AIG1: variants seen among roughly 807,000 people sequenced by gnomAD.
The protein encoded by AIG1 is androgen induced 1, also known as androgen-induced gene 1 protein.
In AIG1, 23 loss-of-function variants were observed where a neutral mutation model predicts 31.4. That is an observed-to-expected ratio of 0.73 (90% CI 0.53 to 1.04). AIG1 has a LOEUF of 1.04. Ranked by LOEUF, AIG1 falls within the 50% of genes least tolerant of loss-of-function variation. The probability of loss-of-function intolerance (pLI) is 0.00; values close to 1 mark genes in which losing one functional copy is unlikely to be tolerated. For synonymous variants in AIG1, 100 were observed against 110.5 expected, an observed-to-expected ratio of 0.90 and a Z score of 0.60; for missense variants, 274 against 295.0, an observed-to-expected ratio of 0.93 and a Z score of 0.52.
intron 1 of AIG1, among the ~76,000 whole-genome samples, chr6:143,063,064 C>G (rs1562335119): frequency 6.6e-6 from 1 of 152,188 alleles, no homozygotes; most frequent in African/African-American, 2.4e-5. Context: ...CAAGAGATGC[C>G]TGCTTTTCAT....
rs561490731 is a variant in AIG1 at position 143,328,279 on chromosome 6, G to A, written c.516-5003G>A. On this transcript the variant is annotated intron_variant, in intron 4 of 5. Coordinates refer to ENST00000357847, the MANE Select transcript of AIG1 (RefSeq NM_016108.4). The surrounding 1 kb of genome is among the most constrained non-coding windows in gnomAD (Gnocchi z 4.0). The stretch of plus-strand genomic sequence containing the variant: ...GTCAGTGAATCTGGACCACTTATTG[G>A]AGAAGTTTGCTTTTGAAGAGGAGAG... 1.3e-5 allele frequency among the ~76,000 whole-genome samples: 2 copies of A among 152,270 alleles called. No individual in the cohort carries two copies. Among genetic ancestry groups the A allele is most frequent in the South Asian group, 4.1e-4 (2 of 4,820 alleles).
chr6:143,101,497 G>A (rs375719284), intron 1 of AIG1, among the ~76,000 whole-genome samples: 1 of 152,156 alleles, frequency 6.6e-6, no homozygotes, highest in African/African-American at 2.4e-5. Context: ...GTGAATGGTG[G>A]CTCTGAGCAG....
intron 3 of AIG1, among the ~76,000 whole-genome samples, chr6:143,180,366 C>T (rs1371135233): frequency 6.6e-6 from 1 of 152,164 alleles, no homozygotes; most frequent in East Asian, 1.9e-4. Context: ...GCTCCGCAAG[C>T]CAACAGCATA....
rs558579935 is a variant in AIG1 at position 143,127,185 on chromosome 6, TTTAA to T, written c.142-9644_142-9641del. Among the ~76,000 whole-genome samples, 223 of 152,286 alleles carry T rather than the reference TTTAA, an allele frequency of 1.5e-3. 1 individual carries two copies. The Middle Eastern group carries it at 0.024, about 16-fold the overall frequency. ...TTCATTTCTTCCTTATCATTTCCCC[TTTAA>T]TTAATGGTTTTATCCTCATATGGGG... On this transcript the variant is annotated intron_variant, in intron 1 of 5. Transcript: ENST00000357847.
chr6:143,107,755 A>G (rs1257484131), intron 1 of AIG1, among the ~76,000 whole-genome samples: 2 of 152,226 alleles, frequency 1.3e-5, no homozygotes, highest in African/African-American at 2.4e-5. Flanking sequence ...CCCTCGAGTT[A>G]TAAGTCATTT....
intron 3 of AIG1, among the ~76,000 whole-genome samples, chr6:143,176,535 G>T (rs1788177825): frequency 6.6e-6 from 1 of 151,740 alleles, no homozygotes; most frequent in Admixed American, 6.6e-5. Context: ...TGCTGTGGGA[G>T]ATTGGGGGTG....
At chr6:143,194,638 C>T (rs927723864) in intron 3 of AIG1, among the ~76,000 whole-genome samples, 1 of 152,218 alleles carries the variant, frequency 6.6e-6, no homozygotes, top group Non-Finnish European at 1.5e-5. Flanking sequence ...ACCTAAAGGT[C>T]TTCTCTATGG....
intron 3 of AIG1, among the ~76,000 whole-genome samples, chr6:143,167,632 T>C (rs996370138): frequency 6.6e-6 from 1 of 152,218 alleles, no homozygotes; most frequent in Non-Finnish European, 1.5e-5. Flanking sequence ...CATTAGAACT[T>C]TGACTTGCCT....
intron 4 of AIG1, among the ~76,000 whole-genome samples, chr6:143,315,615 A>G (rs906418708): frequency 5.9e-5 from 9 of 152,186 alleles, no homozygotes; most frequent in African/African-American, 2.2e-4. Flanking sequence ...TTGGAAGTCC[A>G]TATGGTAAAA....
chr6:143,294,619 T>G (rs1798295873), intron 4 of AIG1, among the ~76,000 whole-genome samples: 1 of 152,246 alleles, frequency 6.6e-6, no homozygotes. Flanking sequence ...GAATGTACTG[T>G]GGCTTCAGCT....
chr6:143,116,210 C>G (rs1375183786), intron 1 of AIG1, among the ~76,000 whole-genome samples: 1 of 152,006 alleles, frequency 6.6e-6, no homozygotes, highest in African/African-American at 2.4e-5. Context: ...AGACTGTGCC[C>G]CTAAGATGTT....
Position 143,111,726 on chromosome 6 carries a change from C to T in AIG1, c.142-25109C>T, listed in dbSNP as rs547961294. On this transcript the variant is annotated intron_variant, in intron 1 of 5. Transcript: ENST00000357847. ...ACAGGAAACATCTTAACATGTTCTGCACCTTGGTGAATGCCACCCTTTCTC... is the reference window on the plus strand; with the variant it reads ...ACAGGAAACATCTTAACATGTTCTGTACCTTGGTGAATGCCACCCTTTCTC... Among the ~76,000 whole-genome samples, 93 of 152,292 alleles carry T rather than the reference C, an allele frequency of 6.1e-4. 1 individual carries two copies. Among genetic ancestry groups the T allele is most frequent in the African/African-American group, 2.1e-3 (88 of 41,560 alleles).
intron 3 of AIG1, among the ~76,000 whole-genome samples, chr6:143,170,012 A>C (rs1399798439): frequency 1.3e-5 from 2 of 152,052 alleles, no homozygotes; most frequent in African/African-American, 2.4e-5. Context: ...GGATTTTTGC[A>C]TCTATGCTCA....
chr6:143,085,561 G>A (rs1276829513), intron 1 of AIG1, among the ~76,000 whole-genome samples: 2 of 152,178 alleles, frequency 1.3e-5, no homozygotes, highest in African/African-American at 4.8e-5. Flanking sequence ...CAACCCAGCT[G>A]CTCCATCAAG....
At chr6:143,088,033 A>C (rs1289267952) in intron 1 of AIG1, among the ~76,000 whole-genome samples, 2 of 152,234 alleles carry the variant, frequency 1.3e-5, no homozygotes, top group Non-Finnish European at 2.9e-5. Context: ...ACCTTGAGCC[A>C]GACATAAATC....
intron 4 of AIG1, among the ~76,000 whole-genome samples, chr6:143,310,822 A>G (rs753882462): frequency 6.6e-6 from 1 of 151,762 alleles, no homozygotes; most frequent in African/African-American, 2.4e-5. Flanking sequence ...GAACAACTCT[A>G]TGCCCACAAA....
At chr6:143,146,477 T>C (rs1275081871) in intron 2 of AIG1, among the ~76,000 whole-genome samples, 2 of 151,400 alleles carry the variant, frequency 1.3e-5, no homozygotes, top group African/African-American at 4.9e-5. Context: ...CATATCTCAC[T>C]CCCCCCTCTT....
At chr6:143,308,194 G>A (rs11755388) in intron 4 of AIG1, among the ~76,000 whole-genome samples, 20,362 of 152,170 alleles carry the variant, frequency 0.13, 1,594 homozygotes, top group East Asian at 0.36. Context: ...TTCGGCTCGC[G>A]CACGGTGCGC....
Position 143,284,396 on chromosome 6 carries a change from A to G in AIG1, c.515+171A>G, listed in dbSNP as rs1325016548. Among the ~76,000 whole-genome samples, 1 of 152,222 alleles carries G rather than the reference A, an allele frequency of 6.6e-6. No homozygotes were observed. The highest frequency in any genetic ancestry group is 1.5e-5 in the Non-Finnish European group (1 of 68,040). Reference sequence around the variant, plus strand: ...CCAGATGCTTATATTTTTAGAAAGTATATGCCAAACCTCACACAACAGGAA... The same window carrying G: ...CCAGATGCTTATATTTTTAGAAAGTGTATGCCAAACCTCACACAACAGGAA... On this transcript the variant is annotated intron_variant, in intron 4 of 5. Coordinates refer to ENST00000357847, the MANE Select transcript of AIG1 (RefSeq NM_016108.4). This position sits in a 1 kb window ranked among gnomAD's most constrained non-coding sequence, Gnocchi z 4.4.
Sources: allele counts gnomAD v4.1 joint callset (sites outside exome capture counted in the v4.1 genomes callset), GRCh38; gene constraint gnomAD v4.1.1; non-coding constraint Gnocchi (gnomAD v3.1); transcripts MANE v1.5; gene names NCBI Gene and HGNC (gene_info 2026-07-23, HGNC 2026-07-21).